ASTN1: variants seen among roughly 807,000 people sequenced by gnomAD.
The protein encoded by ASTN1 is astrotactin-1.
ASTN1 carries 41 observed loss-of-function variants against 140.7 expected under a neutral mutation model. The observed-to-expected ratio is 0.29, with a 90% CI of 0.23 to 0.38. The LOEUF (loss-of-function observed/expected upper bound fraction) is 0.38. Among genes scored for constraint, ASTN1 ranks in the 10% least tolerant of loss-of-function variants. The pLI is 1.00. For synonymous variants in ASTN1, 640 were observed against 652.2 expected (o/e 0.98, Z 0.29); for missense variants, 1,479 against 1,678.8 (o/e 0.88, Z 2.08).
chr1:177,042,193 G>A (rs1485357581), intron 2 of ASTN1, among the ~76,000 whole-genome samples: 1 of 152,188 alleles, frequency 6.6e-6, no homozygotes, highest in East Asian at 1.9e-4. Flanking sequence ...GAGGTAGAAG[G>A]CCTTTCACAT....
At chr1:177,095,834 G>A (rs1420922810) in intron 1 of ASTN1, among the ~76,000 whole-genome samples, 1 of 152,154 alleles carries the variant, frequency 6.6e-6, no homozygotes, top group Non-Finnish European at 1.5e-5. Flanking sequence ...TGCAATTCCA[G>A]TCTGGAACAG....
In ASTN1 at chr1:176,864,344, C is replaced by T. The variant is rs144824957; in HGVS notation, c.3825G>A (p.Thr1275=). The T allele has an allele frequency of 3.7e-3, 6,030 of 1,614,124 alleles. 22 individuals carry two copies. Among genetic ancestry groups the T allele is most frequent in the South Asian group, 7.2e-3 (652 of 91,084 alleles). ...GGATACTCAGGGTCTGCTCCTCACA[C>T]GTCTTCCTGAGGTCCCGGCTGAGCT... ...WAELSRDLRK[T]CEEQTLSIPY... Residue 1275 remains threonine, a synonymous_variant, in exon 23 of 23, where the codon ACG becomes ACA. Coordinates refer to ENST00000361833, the MANE Select transcript of ASTN1 (RefSeq NM_004319.3).
At chr1:177,126,558 A>G (rs969439248) in intron 1 of ASTN1, among the ~76,000 whole-genome samples, 1 of 152,208 alleles carries the variant, frequency 6.6e-6, no homozygotes, top group African/African-American at 2.4e-5. Flanking sequence ...GAAGGGGCCA[A>G]GTGGATAAAC....
intron 16 of ASTN1, among the ~76,000 whole-genome samples, chr1:176,923,436 C>T (rs1670823469): frequency 6.6e-6 from 1 of 152,124 alleles, no homozygotes; most frequent in Non-Finnish European, 1.5e-5. Flanking sequence ...GTATTCTTTC[C>T]CTCAACATGT....
At chr1:177,047,986 G>A (rs949496094) in intron 2 of ASTN1, among the ~76,000 whole-genome samples, 3 of 152,158 alleles carry the variant, frequency 2.0e-5, no homozygotes, top group Non-Finnish European at 2.9e-5. Flanking sequence ...CACAGATGCC[G>A]ATGAAAATTT....
At chr1:176,926,489 C>T (rs192489670) in intron 16 of ASTN1, among the ~76,000 whole-genome samples, 3 of 152,290 alleles carry the variant, frequency 2.0e-5, no homozygotes, top group Admixed American at 1.3e-4. Context: ...CAGTGGGCTT[C>T]GCTGTGGCAG....
At chr1:177,101,025 G>A (rs539866459) in intron 1 of ASTN1, among the ~76,000 whole-genome samples, 9 of 152,232 alleles carry the variant, frequency 5.9e-5, no homozygotes, top group South Asian at 4.1e-4. Flanking sequence ...CCTGAGAGAC[G>A]GAGTTTGCAG....
At chr1:177,151,258 A>G (rs1471296328) in intron 1 of ASTN1, among the ~76,000 whole-genome samples, 6 of 151,072 alleles carry the variant, frequency 4.0e-5, no homozygotes, top group African/African-American at 1.5e-4. Flanking sequence ...AAAACAAAAC[A>G]AAAAAAAATC....
At chr1:177,062,453 C>T (rs906593206) in intron 1 of ASTN1, among the ~76,000 whole-genome samples, 8 of 151,370 alleles carry the variant, frequency 5.3e-5, no homozygotes, top group Admixed American at 3.3e-4. Flanking sequence ...ATATGTTGCC[C>T]AGGCTGGTCT....
intron 1 of ASTN1, among the ~76,000 whole-genome samples, chr1:177,149,418 A>ACT (rs1346232880): frequency 1.3e-5 from 1 of 79,196 alleles, no homozygotes; most frequent in Non-Finnish European, 2.0e-5. Context: ...ATATATATAT[A>ACT]GTATATATAT....
At chr1:176,865,534 A>C (rs549515655) in intron 22 of ASTN1, among the ~76,000 whole-genome samples, 1 of 152,368 alleles carries the variant, frequency 6.6e-6, no homozygotes, top group South Asian at 2.1e-4. Context: ...TAAAAATGCA[A>C]GTAACCAGAG....
intron 16 of ASTN1, among the ~76,000 whole-genome samples, chr1:176,911,818 A>G (rs958993509): frequency 2.6e-5 from 4 of 152,210 alleles, no homozygotes; most frequent in Admixed American, 1.3e-4. Context: ...AGTAACTGCC[A>G]TTTATTATCA....
intron 1 of ASTN1, among the ~76,000 whole-genome samples, chr1:177,095,050 T>A (rs531659602): frequency 6.6e-6 from 1 of 152,310 alleles, no homozygotes; most frequent in Admixed American, 6.5e-5. Flanking sequence ...CGTGTCCCAG[T>A]ATTTTGTAGA....
intron 16 of ASTN1, among the ~76,000 whole-genome samples, chr1:176,901,782 TAA>T (rs1669778383): frequency 1.3e-5 from 2 of 151,444 alleles, no homozygotes; most frequent in Non-Finnish European, 2.9e-5. Context: ...TCTTTGGGAT[TAA>T]ATAATGGAAA....
Position 177,017,626 on chromosome 1 carries a change from G to A in ASTN1, c.1439-2751C>T, listed in dbSNP as rs61589903. Among the ~76,000 whole-genome samples the A allele has an allele frequency of 9.4e-3, 1,433 of 152,330 alleles. 36 individuals carry two copies. The highest frequency in any genetic ancestry group is 0.033 in the African/African-American group (1,360 of 41,568). ...AGATGGTGGGAACGCATGAGGCGCC[G>A]ACTCCATGGTGGTGTACATAGGACT... is the stretch of plus-strand genomic sequence containing the variant. On this transcript the variant is annotated intron_variant, in intron 7 of 22. Transcript: ENST00000361833.
chr1:177,070,738 G>T (rs1216432928), intron 1 of ASTN1, among the ~76,000 whole-genome samples: 1 of 152,170 alleles, frequency 6.6e-6, no homozygotes, highest in Non-Finnish European at 1.5e-5. Flanking sequence ...CACCCCGTGA[G>T]TAAATATTAG....
intron 1 of ASTN1, among the ~76,000 whole-genome samples, chr1:177,122,521 C>G (rs963875859): frequency 1.3e-5 from 2 of 152,050 alleles, no homozygotes; most frequent in African/African-American, 4.8e-5. Context: ...AAATGGGGAC[C>G]CTCCCTTTTC....
chr1:176,861,308 C>T lies in ASTN1; in HGVS notation c.*2976G>A. The T allele has an allele frequency of 1.0e-6, 1 of 985,758 alleles. No homozygotes were observed. Among genetic ancestry groups the T allele is most frequent in the Non-Finnish European group, 1.2e-6 (1 of 829,908 alleles). The allele number at this position is 985,758 out of a possible 1,614,324, so 61.1% of individuals were successfully genotyped here. The stretch of plus-strand genomic sequence containing the variant: ...CCAAACTCCATGGAAAACGATTGCA[C>T]ACTCAATTAAAAGTCTAATGCTATT... On this transcript the variant is annotated 3_prime_UTR_variant, in exon 23 of 23. Transcript: ENST00000361833.
chr1:176,962,076 A>AG (rs1268884498), intron 9 of ASTN1, among the ~76,000 whole-genome samples: 1 of 152,174 alleles, frequency 6.6e-6, no homozygotes, highest in Non-Finnish European at 1.5e-5. Context: ...TGGCATCTCC[A>AG]CGCTTCCTCA....
Sources: gnomAD v4.1 joint callset for allele counts (sites outside exome capture counted in the v4.1 genomes callset) on GRCh38, gnomAD v4.1.1 for gene constraint, MANE v1.5 for transcripts, NCBI Gene and HGNC (gene_info 2026-07-23, HGNC 2026-07-21) for gene names.